The following GRM5 variants were observed in gnomAD, a reference collection of about 807,000 sequenced individuals.
GRM5 encodes the protein glutamate metabotropic receptor 5.
A neutral mutation model predicts 83.1 loss-of-function variants in GRM5; 19 were observed. The ratio of observed to expected loss-of-function variants is 0.23; its 90% CI spans 0.16 to 0.34. The LOEUF is 0.34. Ranked by LOEUF, GRM5 falls within the 10% of genes least tolerant of loss-of-function variation. The pLI is 1.00. For synonymous variants in GRM5, 675 were observed against 633.6 expected (o/e 1.07, Z -0.98); for missense variants, 1,160 against 1,588.3 (o/e 0.73, Z 4.58).
chr11:88,806,344 T>G lies in GRM5; in HGVS notation c.911+43562A>C, dbSNP rs116359625. On this transcript the variant is annotated intron_variant, in intron 3 of 9. Transcript: ENST00000305447. ...TCTCAATCATTTATTTGCAAGAATT[T>G]ATTAAAGATATGGTGTGTTCTTTTT... Among the ~76,000 whole-genome samples, 686 of 152,354 alleles carry G rather than the reference T, an allele frequency of 4.5e-3. 5 individuals are homozygous for G. Among genetic ancestry groups the G allele is most frequent in the African/African-American group, 0.015 (642 of 41,576 alleles).
At chr11:89,028,598 G>C (rs1941187066) in intron 2 of GRM5, among the ~76,000 whole-genome samples, 1 of 152,016 alleles carries the variant, frequency 6.6e-6, no homozygotes. Context: ...TTGTCAGAAA[G>C]ACAAAAACAA....
chr11:88,681,118 A>G (rs372217925), intron 3 of GRM5, among the ~76,000 whole-genome samples: 1 of 152,100 alleles, frequency 6.6e-6, no homozygotes, highest in South Asian at 2.1e-4. Flanking sequence ...TCAGTATTTC[A>G]ATTTTTCTCA....
intron 9 of GRM5, among the ~76,000 whole-genome samples, chr11:88,513,000 C>A (rs936608565): frequency 6.6e-6 from 1 of 152,210 alleles, no homozygotes; most frequent in African/African-American, 2.4e-5. Context: ...TGGGTGATCA[C>A]CTCTACCCCA....
chr11:88,984,800 A>G (rs745678834), intron 2 of GRM5: 2 of 739,524 alleles, frequency 2.7e-6, no homozygotes, highest in African/African-American at 1.7e-5. Context: ...CAGCACTTGG[A>G]TGTTTTCATT....
chr11:88,598,029 C>A (rs1287161399), intron 5 of GRM5, among the ~76,000 whole-genome samples: 3 of 152,142 alleles, frequency 2.0e-5, no homozygotes, highest in South Asian at 4.1e-4. Context: ...AACTTACAAG[C>A]CTTTTCTTAT....
chr11:88,670,106 G>A (rs1276427033), intron 3 of GRM5, among the ~76,000 whole-genome samples: 1 of 151,886 alleles, frequency 6.6e-6, no homozygotes, highest in Non-Finnish European at 1.5e-5. Flanking sequence ...CATGCATACA[G>A]AGACTTAATT....
Position 88,882,211 on chromosome 11 carries a change from T to C in GRM5, c.662-32056A>G, listed in dbSNP as rs539286223. The stretch of plus-strand genomic sequence containing the variant: ...AAGATTCTGCCACTGCACTCCAGCC[T>C]GAACAACAGAGTGACACTCTGAATC... On this transcript the variant is annotated intron_variant, in intron 2 of 9. Coordinates refer to ENST00000305447, the MANE Select transcript of GRM5 (RefSeq NM_001143831.3). Among the ~76,000 whole-genome samples the C allele has an allele frequency of 6.0e-3, 901 of 151,234 alleles. 4 individuals carry two copies. The highest frequency in any genetic ancestry group is 0.01 in the Non-Finnish European group (711 of 67,928).
chr11:88,818,816 T>C (rs12279922), intron 3 of GRM5, among the ~76,000 whole-genome samples: 33,065 of 152,062 alleles, frequency 0.22, 4,788 homozygotes, highest in Non-Finnish European at 0.32. Flanking sequence ...TTCAATTTTA[T>C]GCAAAGGGAA....
chr11:88,951,930 T>C (rs186770918), intron 2 of GRM5, among the ~76,000 whole-genome samples: 61 of 152,332 alleles, frequency 4.0e-4, no homozygotes, highest in African/African-American at 1.4e-3. Context: ...CTATTTGCTT[T>C]TGACTGCTCT....
intron 2 of GRM5, among the ~76,000 whole-genome samples, chr11:89,023,968 G>A (rs1044538037): frequency 5.3e-5 from 8 of 152,086 alleles, no homozygotes; most frequent in Non-Finnish European, 1.2e-4. Flanking sequence ...GCTCATGCCT[G>A]TAATCCCAGC....
At chr11:88,757,538 A>G (rs1288228971) in intron 3 of GRM5, among the ~76,000 whole-genome samples, 1 of 152,106 alleles carries the variant, frequency 6.6e-6, no homozygotes, top group Non-Finnish European at 1.5e-5. Flanking sequence ...GAGCAGCCAC[A>G]GAGAGAGCAC....
chr11:89,027,282 G>A (rs1403094606), intron 2 of GRM5, among the ~76,000 whole-genome samples: 5 of 151,894 alleles, frequency 3.3e-5, no homozygotes, highest in African/African-American at 7.3e-5. Context: ...TTTTGGTAGC[G>A]ACAGGGTTTC....
At chr11:88,582,924 G>A (rs748686915) in intron 7 of GRM5, among the ~76,000 whole-genome samples, 1 of 152,032 alleles carries the variant, frequency 6.6e-6, no homozygotes, top group African/African-American at 2.4e-5. Context: ...TAGCACCTGG[G>A]ATTTCTTTTC....
intron 3 of GRM5, among the ~76,000 whole-genome samples, chr11:88,794,124 A>G (rs1235433399): frequency 6.6e-6 from 1 of 152,176 alleles, no homozygotes; most frequent in Non-Finnish European, 1.5e-5. Flanking sequence ...GATAATTAAT[A>G]TAATGGTTTG....
intron 2 of GRM5, among the ~76,000 whole-genome samples, chr11:88,866,314 A>T (rs1160914364): frequency 2.6e-5 from 4 of 152,090 alleles, no homozygotes; most frequent in Non-Finnish European, 4.4e-5. Context: ...CAGAAAACCA[A>T]ACACTGCATG....
intron 5 of GRM5, among the ~76,000 whole-genome samples, chr11:88,599,683 A>C (rs752909616): frequency 6.6e-6 from 1 of 152,188 alleles, no homozygotes; most frequent in East Asian, 1.9e-4. Flanking sequence ...ATCTTTAGCC[A>C]TGATTCAATC....
chr11:88,935,690 G>T (rs1937869890), intron 2 of GRM5, among the ~76,000 whole-genome samples: 1 of 151,902 alleles, frequency 6.6e-6, no homozygotes, highest in Admixed American at 6.6e-5. Flanking sequence ...ACGGATGAAT[G>T]AAAAGGGAAA....
chr11:88,778,441 C>A (rs542559202), intron 3 of GRM5, among the ~76,000 whole-genome samples: 67 of 152,320 alleles, frequency 4.4e-4, no homozygotes, highest in Admixed American at 9.8e-4. Flanking sequence ...TGCTTTGGCT[C>A]ACCCTCTGTG....
chr11:88,566,966 A>G (rs942232529), intron 8 of GRM5, 87 bp downstream of exon 8: 2 of 827,724 alleles, frequency 2.4e-6, no homozygotes, highest in African/African-American at 3.4e-5. Context: ...ATTTACCCAG[A>G]TTTCTCCCAT....
Sources: allele counts gnomAD v4.1 joint callset (sites outside exome capture counted in the v4.1 genomes callset), GRCh38; gene constraint gnomAD v4.1.1; transcripts MANE v1.5; gene names NCBI Gene and HGNC (gene_info 2026-07-23, HGNC 2026-07-21).